The following AURKA variants were observed in gnomAD, a reference collection of about 807,000 sequenced individuals.
AURKA encodes aurora 2.
A neutral mutation model predicts 40.9 loss-of-function variants in AURKA; 12 were observed. The observed-to-expected ratio is 0.29, with a 90% CI of 0.19 to 0.48. AURKA has a LOEUF of 0.48. Among genes scored for constraint, AURKA ranks in the 20% least tolerant of loss-of-function variants. The pLI is 0.99. For synonymous variants in AURKA, 170 were observed against 164.3 expected (o/e 1.03, Z -0.26); for missense variants, 322 against 462.1 (o/e 0.70, Z 2.78).
chr20:56,384,678 C>T (rs1056230798), intron 3 of AURKA, among the ~76,000 whole-genome samples: 3 of 152,130 alleles, frequency 2.0e-5, no homozygotes, highest in East Asian at 1.9e-4. Flanking sequence ...GCTGCCAACT[C>T]GTCACCTTTT....
At chr20:56,390,095 C>T (rs187081232) in intron 1 of AURKA, among the ~76,000 whole-genome samples, 1 of 152,252 alleles carries the variant, frequency 6.6e-6, no homozygotes, top group Non-Finnish European at 1.5e-5. Context: ...AATGCAAACT[C>T]CTAACCTGCA....
chr20:56,386,954 C>T (rs1403853459), intron 2 of AURKA, among the ~76,000 whole-genome samples: 2 of 151,906 alleles, frequency 1.3e-5, no homozygotes, highest in Admixed American at 6.6e-5. Context: ...TACGTCAAAA[C>T]GTTCAACAGT....
At chr20:56,381,687 C>T in intron 5 of AURKA, 116 bp from the exon 6 acceptor site, 1 of 1,254,294 alleles carries the variant, frequency 8.0e-7, no homozygotes, top group Non-Finnish European at 1.1e-6. Context: ...AAACCACACT[C>T]CAAACCCCAC....
rs117508356 is a variant in AURKA at position 56,369,565 on chromosome 20, A to G, written c.*593T>C. 190 of 250,282 alleles carry G rather than the reference A, an allele frequency of 7.6e-4. 1 individual carries two copies. The East Asian group carries it at 0.01, about 13-fold the overall frequency. 15.5% of individuals were successfully genotyped at this position (250,282 alleles called of 1,614,324 possible). ...TATTTTTCACACTCTCATATGGGAG[A>G]TAAGTGGTTAAGGAGGACTAGAAAC... is the stretch of plus-strand genomic sequence containing the variant. On this transcript the variant is annotated 3_prime_UTR_variant, in exon 9 of 9. Transcript: ENST00000395915.
At position 56,373,197 on chromosome 20, in the gene AURKA, A is replaced by T. The variant is rs1384739057; in HGVS notation, c.854+211T>A. On this transcript the variant is annotated intron_variant, in intron 7 of 8. Transcript: ENST00000395915. The surrounding 1 kb of genome is among the most constrained non-coding windows in gnomAD (Gnocchi z 5.0). ...TAAGCATCTTCAACCCTAGGCCTAG[A>T]ACACTGCTAATAGCCCCAAATCTCC... 6.6e-6 allele frequency among the ~76,000 whole-genome samples: 1 copy of T among 152,206 alleles called. No individual in the cohort carries two copies. Among genetic ancestry groups the T allele is most frequent in the South Asian group, 2.1e-4 (1 of 4,830 alleles).
At chr20:56,371,920 T>C (rs935584079) in intron 7 of AURKA, among the ~76,000 whole-genome samples, 7 of 152,240 alleles carry the variant, frequency 4.6e-5, no homozygotes, top group African/African-American at 1.7e-4. Flanking sequence ...TTGCAACGTA[T>C]TTTCAAGTGT....
intron 6 of AURKA, among the ~76,000 whole-genome samples, chr20:56,381,041 G>A (rs892991465): frequency 1.3e-5 from 2 of 152,052 alleles, no homozygotes; most frequent in Non-Finnish European, 2.9e-5. Context: ...CCAGCTACTC[G>A]GGAGGCTGAG....
At chr20:56,377,126 C>CA (rs1313828724) in intron 6 of AURKA, among the ~76,000 whole-genome samples, 1 of 152,122 alleles carries the variant, frequency 6.6e-6, no homozygotes, top group Non-Finnish European at 1.5e-5. Context: ...CGTGTCTATA[C>CA]AAAAAATACA....
In AURKA at chr20:56,373,395, T is replaced by C. The variant is rs1362239552; in HGVS notation, c.854+13A>G. On this transcript the variant is annotated intron_variant, in intron 7 of 8. Coordinates refer to ENST00000395915, the MANE Select transcript of AURKA (RefSeq NM_198437.3). The surrounding 1 kb of genome is among the most constrained non-coding windows in gnomAD (Gnocchi z 5.0). ...TGGTAAACCAAACAACTTCCACCTC[T>C]AAAGTTACATACCTGGAAGATGGAG... 1.9e-6 allele frequency: 3 copies of C among 1,612,956 alleles called. No homozygotes were observed. In the Admixed American group the frequency reaches 5.0e-5, roughly 27 times the overall value.
At chr20:56,388,286 C>T (rs1488851219) in intron 1 of AURKA, 84 bp from the exon 2 acceptor site, 7 of 1,259,332 alleles carry the variant, frequency 5.6e-6, no homozygotes, top group Non-Finnish European at 8.1e-6. Context: ...TTACAGTTCC[C>T]CAATCAAAAG....
At chr20:56,380,360 G>GAAAAAAA (rs58953054) in intron 6 of AURKA, among the ~76,000 whole-genome samples, 2 of 119,974 alleles carry the variant, frequency 1.7e-5, no homozygotes, top group Admixed American at 8.1e-5. Context: ...GTCTCAAAAA[G>GAAAAAAA]AAAAAAAAAA....
At chr20:56,381,097 G>A (rs1476451571) in intron 6 of AURKA, among the ~76,000 whole-genome samples, 2 of 151,818 alleles carry the variant, frequency 1.3e-5, no homozygotes, top group African/African-American at 4.8e-5. Flanking sequence ...ACAAGACCCT[G>A]TCCCTTTAAA....
intron 1 of AURKA, among the ~76,000 whole-genome samples, chr20:56,389,297 C>T (rs1408398080): frequency 6.6e-6 from 1 of 152,156 alleles, no homozygotes; most frequent in Non-Finnish European, 1.5e-5. Flanking sequence ...GAGGACCACT[C>T]AAAGTGCGTC....
At position 56,386,359 on chromosome 20, in the gene AURKA, T is replaced by C; in HGVS notation, c.217A>G (p.Asn73Asp). Residue 73 changes from asparagine to aspartate, a missense_variant, in exon 3 of 9, where the codon AAT becomes GAT. Physicochemically the swap from Asn to Asp is conservative, Grantham distance 23 (BLOSUM62 1). Coordinates refer to ENST00000395915, the MANE Select transcript of AURKA (RefSeq NM_198437.3). ...KLVSSHKPVQ[N>D]QKQKQLQATS... ...GCCTGCAATTGCTTCTGCTTCTGAT[T>C]CTGAACCGGCTTGTGACTGGAGACA... 6.2e-7 allele frequency: 1 copy of C among 1,614,218 alleles called. No individual in the cohort carries two copies. The highest frequency in any genetic ancestry group is 2.2e-5 in the East Asian group (1 of 44,886).
intron 6 of AURKA, among the ~76,000 whole-genome samples, chr20:56,379,778 A>G (rs1476479397): frequency 6.6e-6 from 1 of 151,800 alleles, no homozygotes; most frequent in East Asian, 2.0e-4. Flanking sequence ...CCTGGCCAAC[A>G]TGGCAAAACC....
intron 6 of AURKA, among the ~76,000 whole-genome samples, chr20:56,377,209 A>G (rs1985043047): frequency 6.6e-6 from 1 of 152,280 alleles, no homozygotes; most frequent in East Asian, 1.9e-4. Flanking sequence ...CTCAACAGGC[A>G]GAGGCTGCAG....
At chr20:56,390,367 C>T (rs1017795015) in intron 1 of AURKA, among the ~76,000 whole-genome samples, 13 of 149,552 alleles carry the variant, frequency 8.7e-5, no homozygotes, top group African/African-American at 7.4e-5. Flanking sequence ...AGTGCAATGG[C>T]GCAATCTCGG....
At chr20:56,383,329 A>G (rs1322362277) in intron 4 of AURKA, among the ~76,000 whole-genome samples, 153 bp from the exon 5 acceptor site, 5 of 152,320 alleles carry the variant, frequency 3.3e-5, no homozygotes, top group Middle Eastern at 3.4e-3. Flanking sequence ...ACCACTATCA[A>G]AGAGCTGCCA....
intron 4 of AURKA, among the ~76,000 whole-genome samples, chr20:56,383,662 G>A (rs1283488741): frequency 6.6e-6 from 1 of 152,232 alleles, no homozygotes; most frequent in Non-Finnish European, 1.5e-5. Context: ...GCGGGATGGA[G>A]CCCACAGGCT....
Sources: allele counts gnomAD v4.1 joint callset (sites outside exome capture counted in the v4.1 genomes callset), GRCh38; gene constraint gnomAD v4.1.1; non-coding constraint Gnocchi (gnomAD v3.1); transcripts MANE v1.5; gene names NCBI Gene and HGNC (gene_info 2026-07-23, HGNC 2026-07-21).